RAMP3: variants seen among roughly 807,000 people sequenced by gnomAD.
RAMP3 encodes receptor activity modifying protein 3.
Under a neutral mutation model 13.5 loss-of-function variants are expected in RAMP3, and 14 were observed. The ratio of observed to expected loss-of-function variants is 1.04; its 90% CI spans 0.69 to 1.63. The LOEUF is 1.63. Among genes scored for constraint, RAMP3 ranks in the 40% most tolerant of loss-of-function variants. The probability of loss-of-function intolerance (pLI) is 0.00; values close to 1 mark genes in which losing one functional copy is unlikely to be tolerated. For missense variants in RAMP3, 200 were observed against 204.8 expected (o/e 0.98, Z 0.14); for synonymous variants, 106 against 88.3 (o/e 1.20, Z -1.12).
chr7:45,162,055 C>T (rs1423166253), intron 1 of RAMP3, among the ~76,000 whole-genome samples: 4 of 152,124 alleles, frequency 2.6e-5, no homozygotes, highest in South Asian at 2.1e-4. Context: ...GTGCACAGGC[C>T]GCCTTAGTCC....
chr7:45,183,688 C>T lies in RAMP3; in HGVS notation c.*276C>T, dbSNP rs1048413700. 3.4e-6 allele frequency: 2 copies of T among 587,380 alleles called. No individual in the cohort carries two copies. The highest frequency in any genetic ancestry group is 3.0e-6 in the Non-Finnish European group (1 of 329,940). 36.4% of individuals were successfully genotyped at this position (587,380 alleles called of 1,614,324 possible). ...GCTTGTGTGCTGGGCACAGAAATCA[C>T]CTGCTGCATCCTGTGCTCCGCAGGC... On this transcript the variant is annotated 3_prime_UTR_variant, in exon 3 of 3. Transcript: ENST00000242249.
chr7:45,171,718 C>A (rs1353881657), intron 1 of RAMP3, among the ~76,000 whole-genome samples: 1 of 152,076 alleles, frequency 6.6e-6, no homozygotes, highest in East Asian at 1.9e-4. Flanking sequence ...GCAATCCTTC[C>A]ACCTCAGCCT....
intron 1 of RAMP3, among the ~76,000 whole-genome samples, chr7:45,170,070 T>C (rs956947746): frequency 1.3e-5 from 2 of 152,168 alleles, no homozygotes; most frequent in African/African-American, 4.8e-5. Context: ...CTTTCATCCC[T>C]GATTTAGTAA....
At chr7:45,175,195 G>A (rs1395751661) in intron 1 of RAMP3, among the ~76,000 whole-genome samples, 1 of 152,172 alleles carries the variant, frequency 6.6e-6, no homozygotes, top group Non-Finnish European at 1.5e-5. Flanking sequence ...GACATTCCAG[G>A]TGCTGGAAAC....
intron 2 of RAMP3, among the ~76,000 whole-genome samples, chr7:45,181,624 T>C (rs369434941): frequency 5.3e-4 from 81 of 152,296 alleles, no homozygotes; most frequent in African/African-American, 1.9e-3. Context: ...AGGGTGTTGT[T>C]AGACGGCTCC....
intron 1 of RAMP3, among the ~76,000 whole-genome samples, chr7:45,171,310 T>A (rs6976608): frequency 0.26 from 39,868 of 151,782 alleles, 6,361 homozygotes; most frequent in African/African-American, 0.44. Context: ...TGTGCACCAC[T>A]GTGCCCTGCT....
intron 1 of RAMP3, among the ~76,000 whole-genome samples, chr7:45,161,702 G>A (rs1364455274): frequency 2.0e-5 from 3 of 151,872 alleles, no homozygotes; most frequent in African/African-American, 7.3e-5. Context: ...GGAGGCAGAG[G>A]AGGAAGAAGA....
chr7:45,177,659 C>A (rs1018301776), intron 2 of RAMP3, among the ~76,000 whole-genome samples: 1 of 152,138 alleles, frequency 6.6e-6, no homozygotes, highest in Non-Finnish European at 1.5e-5. Context: ...TGGCTCTGGC[C>A]ACCCCACCCA....
intron 1 of RAMP3, among the ~76,000 whole-genome samples, chr7:45,174,171 G>A (rs1176289407): frequency 1.3e-5 from 2 of 152,194 alleles, no homozygotes. Flanking sequence ...GGCATGCACA[G>A]ATGACTACCC....
In RAMP3 at chr7:45,183,469, G is replaced by C; in HGVS notation, c.*57G>C. 1 of 1,592,586 alleles carries C rather than the reference G, an allele frequency of 6.3e-7. No individual in the cohort carries two copies. Among genetic ancestry groups the C allele is most frequent in the African/African-American group, 1.3e-5 (1 of 74,884 alleles). ...GGCAAGCTGGAAGAAAGTTCCCTGG[G>C]GATGGGAGAGCGGGTGGGTGCTGCC... On this transcript the variant is annotated 3_prime_UTR_variant, in exon 3 of 3. Coordinates refer to ENST00000242249, the MANE Select transcript of RAMP3 (RefSeq NM_005856.3).
intron 1 of RAMP3, among the ~76,000 whole-genome samples, chr7:45,164,997 T>C (rs901776503): frequency 1.3e-5 from 2 of 152,190 alleles, no homozygotes; most frequent in Non-Finnish European, 2.9e-5. Context: ...CATTGTACCA[T>C]CAATTCTTTT....
intron 1 of RAMP3, among the ~76,000 whole-genome samples, chr7:45,165,472 A>AT (rs1199567582): frequency 6.6e-6 from 1 of 152,194 alleles, no homozygotes; most frequent in Non-Finnish European, 1.5e-5. Context: ...TGTGTGGGTG[A>AT]TATTTCCTTT....
chr7:45,183,925 C>T lies in RAMP3; in HGVS notation c.*513C>T. On this transcript the variant is annotated 3_prime_UTR_variant, in exon 3 of 3. Transcript: ENST00000242249. ...TCTTGGAAGACGTTCCGTGCTGTGA[C>T]CTCCGAGCCCTCCTGGTGGGAAGAC... is the stretch of plus-strand genomic sequence containing the variant. 2.4e-6 allele frequency: 1 copy of T among 418,758 alleles called. No individual in the cohort carries two copies. 25.9% of individuals were successfully genotyped at this position (418,758 alleles called of 1,614,324 possible). A position where few individuals can be genotyped will look rare whatever the true frequency, so the allele number is the denominator to read the frequency against.
At chr7:45,159,903 G>T (rs142451716) in intron 1 of RAMP3, among the ~76,000 whole-genome samples, 1 of 152,180 alleles carries the variant, frequency 6.6e-6, no homozygotes, top group African/African-American at 2.4e-5. Flanking sequence ...GTGTGCAAGC[G>T]TATGAACATG....
chr7:45,157,870 G>A lies in RAMP3; in HGVS notation c.42G>A (p.Leu14=). 1.4e-6 allele frequency: 2 copies of A among 1,401,618 alleles called. No individual in the cohort carries two copies. The highest frequency in any genetic ancestry group is 1.8e-6 in the Non-Finnish European group (2 of 1,085,776). 86.8% of individuals were successfully genotyped at this position (1,401,618 alleles called of 1,614,324 possible). ...TGCGGCGCCCGCAACTTCTCCCGTT[G>A]CTGCTGCTGCTCTGCGGTAAGGGGG... ...GALRRPQLLP[L]LLLLCGGCPR... is the part of the protein sequence containing the mutation. Residue 14 remains leucine, a synonymous_variant, in exon 1 of 3, where the codon TTG becomes TTA. Coordinates refer to ENST00000242249, the MANE Select transcript of RAMP3 (RefSeq NM_005856.3).
intron 1 of RAMP3, among the ~76,000 whole-genome samples, chr7:45,159,526 A>T (rs1785824497): frequency 6.6e-6 from 1 of 152,100 alleles, no homozygotes; most frequent in South Asian, 2.1e-4. Context: ...GGCTGTGGGG[A>T]TGCGAAGTCC....
intron 1 of RAMP3, among the ~76,000 whole-genome samples, chr7:45,165,187 AATCT>A (rs1358652971): frequency 1.3e-5 from 2 of 152,126 alleles, no homozygotes; most frequent in African/African-American, 4.8e-5. Context: ...TTAATTCATC[AATCT>A]GTCTTCAGGT....
At chr7:45,164,043 T>C (rs1456801920) in intron 1 of RAMP3, among the ~76,000 whole-genome samples, 1 of 152,216 alleles carries the variant, frequency 6.6e-6, no homozygotes, top group Non-Finnish European at 1.5e-5. Flanking sequence ...TACATCCTGC[T>C]CCAACCTTGC....
chr7:45,183,142 C>T lies in RAMP3; in HGVS notation c.192-15C>T, dbSNP rs375325035. On this transcript the variant is annotated splice_polypyrimidine_tract_variant and intron_variant, in intron 2 of 2. Coordinates refer to ENST00000242249, the MANE Select transcript of RAMP3 (RefSeq NM_005856.3). ...GATGGCGAGAGCCTGGCTTTCACCCCCTCTGCTTTTGCAGGTACTATGAGA... is the reference window on the plus strand; with the variant it reads ...GATGGCGAGAGCCTGGCTTTCACCCTCTCTGCTTTTGCAGGTACTATGAGA... The T allele has an allele frequency of 3.1e-6, 5 of 1,607,044 alleles. No homozygotes were observed. The South Asian group carries it at 4.4e-5, about 14-fold the overall frequency.
Sources: gnomAD v4.1 joint callset for allele counts (sites outside exome capture counted in the v4.1 genomes callset) on GRCh38, gnomAD v4.1.1 for gene constraint, MANE v1.5 for transcripts, NCBI Gene and HGNC (gene_info 2026-07-23, HGNC 2026-07-21) for gene names.